LAMA2: variants seen among roughly 807,000 people sequenced by gnomAD.
The protein encoded by LAMA2 is laminin subunit alpha-2.
A neutral mutation model predicts 364.8 loss-of-function variants in LAMA2; 269 were observed. That is an observed-to-expected ratio of 0.74 (90% CI 0.67 to 0.82). The LOEUF is 0.82. LAMA2 is among the 40% of genes least tolerant of loss of function. The probability of loss-of-function intolerance (pLI) is 0.00; values close to 1 mark genes in which losing one functional copy is unlikely to be tolerated. For synonymous variants in LAMA2, 1,379 were observed against 1,370.6 expected (o/e 1.01, Z -0.14); for missense variants, 3,807 against 3,873.2 (o/e 0.98, Z 0.45).
chr6:129,473,077 C>A, intron 51 of LAMA2, 137 bp from the exon 52 acceptor site: 2 of 634,538 alleles, frequency 3.2e-6, no homozygotes, highest in Non-Finnish European at 2.8e-6. Context: ...TATTAAATTG[C>A]TAAATATAGT....
chr6:129,410,431 TTCTC>T (rs1374099728), intron 40 of LAMA2, among the ~76,000 whole-genome samples: 3 of 152,326 alleles, frequency 2.0e-5, no homozygotes, highest in Admixed American at 6.5e-5. Context: ...TTGTAAAACT[TTCTC>T]TCTGTCTCTG....
chr6:128,981,426 T>C (rs9321142), intron 1 of LAMA2, among the ~76,000 whole-genome samples: 74,693 of 151,722 alleles, frequency 0.49, 21,645 homozygotes, highest in East Asian at 0.82. Flanking sequence ...CTTTCACACA[T>C]CATTTGAACC....
In LAMA2 at chr6:129,280,066, GC is replaced by G; in HGVS notation, c.2459del (p.Pro820GlnfsTer5). ...CCGCAACAACATCAACATAGCTTTA[GC>G]CCAACGTGCCATTTAGACCGGAGTC... ...CPLNIPSNNF[S>X]PTCHLDRSLG... On this transcript the variant is annotated frameshift_variant, in exon 18 of 65. Transcript: ENST00000421865. LOFTEE classifies it high-confidence loss of function. The G allele has an allele frequency of 6.2e-7, 1 of 1,611,742 alleles. No individual in the cohort carries two copies. Among genetic ancestry groups the G allele is most frequent in the Non-Finnish European group, 8.5e-7 (1 of 1,178,032 alleles).
chr6:129,420,231 A>T (rs1046634717), intron 40 of LAMA2, among the ~76,000 whole-genome samples: 1 of 152,118 alleles, frequency 6.6e-6, no homozygotes, highest in Non-Finnish European at 1.5e-5. Flanking sequence ...TATTCTCAAA[A>T]ATATATTTTT....
At chr6:129,354,050 T>G (rs1287464227) in intron 32 of LAMA2, among the ~76,000 whole-genome samples, 6 of 152,222 alleles carry the variant, frequency 3.9e-5, no homozygotes, top group Admixed American at 1.3e-4. Flanking sequence ...TTTATAAATT[T>G]AAGGAAGGAG....
intron 10 of LAMA2, among the ~76,000 whole-genome samples, chr6:129,188,280 T>G (rs1039435578): frequency 6.6e-6 from 1 of 151,926 alleles, no homozygotes; most frequent in African/African-American, 2.4e-5. Context: ...TAAATAAAAT[T>G]GAATGTGAAA....
intron 4 of LAMA2, among the ~76,000 whole-genome samples, chr6:129,116,158 A>G (rs1222823579): frequency 6.6e-6 from 1 of 152,158 alleles, no homozygotes; most frequent in Non-Finnish European, 1.5e-5. Context: ...CTTCTGTAGC[A>G]CAGGCTATGA....
At chr6:129,505,663 C>CA (rs1786003045) in intron 61 of LAMA2, among the ~76,000 whole-genome samples, 1 of 152,100 alleles carries the variant, frequency 6.6e-6, no homozygotes, top group Non-Finnish European at 1.5e-5. Context: ...TGCCTACCAC[C>CA]ACGCCTGGCT....
chr6:129,035,190 C>G (rs1426471635), intron 1 of LAMA2, among the ~76,000 whole-genome samples: 1 of 151,658 alleles, frequency 6.6e-6, no homozygotes. Context: ...ATTTGTATGA[C>G]TTGGTATCTC....
At chr6:129,433,339 A>G (rs986374377) in intron 41 of LAMA2, among the ~76,000 whole-genome samples, 1 of 152,322 alleles carries the variant, frequency 6.6e-6, no homozygotes, top group Non-Finnish European at 1.5e-5. Flanking sequence ...GTAGATTTCA[A>G]CTTCTATTCT....
chr6:129,106,625 C>T (rs1033952680), intron 4 of LAMA2, among the ~76,000 whole-genome samples: 3 of 151,926 alleles, frequency 2.0e-5, no homozygotes, highest in Non-Finnish European at 2.9e-5. Flanking sequence ...AAAGTACCTC[C>T]TTACAGTGAG....
intron 3 of LAMA2, among the ~76,000 whole-genome samples, chr6:129,069,201 A>T (rs1333995798): frequency 6.6e-6 from 1 of 152,030 alleles, no homozygotes; most frequent in Non-Finnish European, 1.5e-5. Flanking sequence ...GAATTCTGTT[A>T]TGGAAAGTCT....
At chr6:129,349,459 T>G in intron 31 of LAMA2, 75 bp downstream of exon 31, 1 of 1,176,754 alleles carries the variant, frequency 8.5e-7, no homozygotes, top group East Asian at 2.3e-5. Flanking sequence ...TAGGAAAACA[T>G]TCATTATTTG....
chr6:128,920,378 G>A (rs959999657), intron 1 of LAMA2, among the ~76,000 whole-genome samples: 5 of 151,750 alleles, frequency 3.3e-5, no homozygotes, highest in Admixed American at 2.0e-4. Context: ...TGTTGGTCTC[G>A]ATCTCTCGAC....
chr6:128,990,408 A>G (rs1447485199), intron 1 of LAMA2, among the ~76,000 whole-genome samples: 3 of 152,218 alleles, frequency 2.0e-5, no homozygotes, highest in African/African-American at 4.8e-5. Context: ...TAACAAATAA[A>G]ACATACATCT....
At chr6:129,035,493 A>C (rs1280107437) in intron 1 of LAMA2, among the ~76,000 whole-genome samples, 1 of 149,010 alleles carries the variant, frequency 6.7e-6, no homozygotes, top group Non-Finnish European at 1.5e-5. Flanking sequence ...TTTGCTGTGC[A>C]AACGCCGTTT....
intron 32 of LAMA2, among the ~76,000 whole-genome samples, chr6:129,357,788 G>T (rs1777230746): frequency 6.6e-6 from 1 of 152,132 alleles, no homozygotes; most frequent in East Asian, 1.9e-4. Context: ...ATTATCACTA[G>T]AACACTGTTG....
intron 58 of LAMA2, among the ~76,000 whole-genome samples, chr6:129,501,986 C>T (rs1052879635): frequency 2.6e-5 from 4 of 152,160 alleles, no homozygotes; most frequent in Admixed American, 1.3e-4. Context: ...GAGCATTAAA[C>T]CATGTGACTG....
intron 10 of LAMA2, among the ~76,000 whole-genome samples, chr6:129,188,341 A>G (rs1318563537): frequency 1.3e-5 from 2 of 151,934 alleles, no homozygotes; most frequent in Non-Finnish European, 2.9e-5. Context: ...AAATGGAGCT[A>G]AGGAAAATGT....
Sources: gnomAD v4.1 joint callset for allele counts (sites outside exome capture counted in the v4.1 genomes callset) on GRCh38, gnomAD v4.1.1 for gene constraint, MANE v1.5 for transcripts, NCBI Gene and HGNC (gene_info 2026-07-23, HGNC 2026-07-21) for gene names.